Variants in TBC1D22A observed in about 807,000 individuals in gnomAD.
TBC1D22A encodes the protein TBC1 domain family member 22A.
A neutral mutation model predicts 60.2 loss-of-function variants in TBC1D22A; 38 were observed. That is an observed-to-expected ratio of 0.63 (90% CI 0.49 to 0.83). TBC1D22A has a LOEUF of 0.83. Ranked by LOEUF, TBC1D22A falls within the 40% of genes least tolerant of loss-of-function variation. TBC1D22A has a pLI of 0.00. For synonymous variants in TBC1D22A, 302 were observed against 281.7 expected (o/e 1.07, Z -0.72); for missense variants, 628 against 701.0 (o/e 0.90, Z 1.18).
intron 2 of TBC1D22A, chr22:46,792,863 T>C: frequency 7.0e-7 from 1 of 1,435,424 alleles, no homozygotes; most frequent in African/African-American, 1.4e-5. Context: ...GCAGCCTGGC[T>C]GCAGGCCATC....
At chr22:47,064,750 C>G (rs1418596781) in intron 11 of TBC1D22A, among the ~76,000 whole-genome samples, 2 of 152,164 alleles carry the variant, frequency 1.3e-5, no homozygotes, top group South Asian at 2.1e-4. Context: ...CTAAGTGTCT[C>G]CTGTCTACCA....
At position 46,959,839 on chromosome 22, in the gene TBC1D22A, A is replaced by G. The variant is rs530884300; in HGVS notation, c.1016-14451A>G. ...ACTCCACGTTTTCTAATGACCTGCCATCGGCATTTGCTTTTTTGACATTTA... is the reference window on the plus strand; with the variant it reads ...ACTCCACGTTTTCTAATGACCTGCCGTCGGCATTTGCTTTTTTGACATTTA... On this transcript the variant is annotated intron_variant, in intron 8 of 12. Coordinates refer to ENST00000337137, the MANE Select transcript of TBC1D22A (RefSeq NM_014346.5). 5.3e-5 allele frequency among the ~76,000 whole-genome samples: 8 copies of G among 152,312 alleles called. No homozygotes were observed. In the East Asian group the frequency reaches 1.5e-3, roughly 29 times the overall value.
At chr22:46,865,923 T>TG (rs2067031870) in intron 4 of TBC1D22A, among the ~76,000 whole-genome samples, 2 of 152,184 alleles carry the variant, frequency 1.3e-5, no homozygotes, top group South Asian at 4.1e-4. Context: ...TTGGAGAAAC[T>TG]GGACTGTGGT....
chr22:47,172,031 G>A (rs553896687), intron 12 of TBC1D22A, among the ~76,000 whole-genome samples: 1 of 87,278 alleles, frequency 1.1e-5, no homozygotes, highest in East Asian at 3.3e-4. Flanking sequence ...CACTCCCAGT[G>A]AGCCTACCCA....
chr22:46,916,511 C>T (rs1002585419), intron 8 of TBC1D22A, among the ~76,000 whole-genome samples: 1 of 152,224 alleles, frequency 6.6e-6, no homozygotes, highest in African/African-American at 2.4e-5. Flanking sequence ...CATGCTCTTG[C>T]ACACACACAT....
intron 12 of TBC1D22A, among the ~76,000 whole-genome samples, chr22:47,138,534 C>G (rs780647792): frequency 6.6e-6 from 1 of 152,208 alleles, no homozygotes; most frequent in African/African-American, 2.4e-5. Flanking sequence ...CCCTAGTGAA[C>G]CTTGCCTCTT....
intron 8 of TBC1D22A, among the ~76,000 whole-genome samples, chr22:46,916,987 A>C (rs1459527535): frequency 2.0e-5 from 3 of 152,176 alleles, no homozygotes; most frequent in South Asian, 2.1e-4. Context: ...ATAGTGATAC[A>C]TTTGCTGAAG....
At chr22:46,912,433 G>A (rs2070004696) in intron 8 of TBC1D22A, among the ~76,000 whole-genome samples, 1 of 152,164 alleles carries the variant, frequency 6.6e-6, no homozygotes, top group Admixed American at 6.5e-5. Context: ...AATATTTGAA[G>A]ATAGATAATA....
intron 1 of TBC1D22A, among the ~76,000 whole-genome samples, chr22:46,792,109 A>G (rs936878635): frequency 6.6e-6 from 1 of 152,234 alleles, no homozygotes; most frequent in African/African-American, 2.4e-5. Flanking sequence ...TTCTGCATTC[A>G]ATTTCAGACA....
chr22:47,041,535 A>T (rs8139696), intron 11 of TBC1D22A, among the ~76,000 whole-genome samples: 5 of 151,996 alleles, frequency 3.3e-5, no homozygotes, highest in African/African-American at 1.2e-4. Flanking sequence ...CTGGTCACCA[A>T]ACAGATCTGG....
chr22:47,138,125 G>A (rs1398098406), intron 12 of TBC1D22A, among the ~76,000 whole-genome samples: 6 of 152,218 alleles, frequency 3.9e-5, no homozygotes, highest in African/African-American at 1.4e-4. Context: ...GTGAGCCGCA[G>A]TCCTCGTGGG....
At chr22:47,133,429 G>A (rs1287513989) in intron 12 of TBC1D22A, among the ~76,000 whole-genome samples, 3 of 152,206 alleles carry the variant, frequency 2.0e-5, no homozygotes, top group African/African-American at 7.2e-5. Context: ...GTACCAGAGC[G>A]GGAGGCTGAT....
intron 4 of TBC1D22A, among the ~76,000 whole-genome samples, chr22:46,818,764 C>T (rs1278207668): frequency 6.6e-6 from 1 of 152,150 alleles, no homozygotes; most frequent in Non-Finnish European, 1.5e-5. Flanking sequence ...TTTTCTAATT[C>T]TGTGAAGAAT....
chr22:46,888,336 C>T (rs149467497), intron 5 of TBC1D22A, among the ~76,000 whole-genome samples: 69 of 152,308 alleles, frequency 4.5e-4, no homozygotes, highest in African/African-American at 1.6e-3. Flanking sequence ...GGGCTCTGTT[C>T]GAGCAAGGAT....
chr22:47,073,634 T>C (rs1392342269), intron 11 of TBC1D22A, among the ~76,000 whole-genome samples: 1 of 151,900 alleles, frequency 6.6e-6, no homozygotes, highest in African/African-American at 2.4e-5. Flanking sequence ...ACTCCGACAG[T>C]GATGGTAGCA....
intron 4 of TBC1D22A, among the ~76,000 whole-genome samples, chr22:46,848,555 C>G (rs1410450865): frequency 2.0e-5 from 3 of 152,200 alleles, no homozygotes; most frequent in African/African-American, 7.2e-5. Flanking sequence ...GTTTGCAGCC[C>G]CTCTGTCAGT....
chr22:46,776,396 TGTGTG>T (rs1366779938), intron 1 of TBC1D22A, among the ~76,000 whole-genome samples: 1 of 110,146 alleles, frequency 9.1e-6, no homozygotes, highest in Non-Finnish European at 2.1e-5. Context: ...TAGTTGTGGC[TGTGTG>T]GTGGGGTGGT....
intron 6 of TBC1D22A, among the ~76,000 whole-genome samples, chr22:46,893,296 T>A (rs1188484254): frequency 6.6e-6 from 1 of 152,166 alleles, no homozygotes; most frequent in Non-Finnish European, 1.5e-5. Context: ...CTCAGTCAGC[T>A]CTCTTGTGGC....
At chr22:46,918,887 G>A (rs1204678914) in intron 8 of TBC1D22A, among the ~76,000 whole-genome samples, 3 of 152,176 alleles carry the variant, frequency 2.0e-5, no homozygotes, top group African/African-American at 7.2e-5. Flanking sequence ...AAGAACCCGC[G>A]TGCCCGTCAT....
Sources: gnomAD v4.1 joint callset for allele counts (sites outside exome capture counted in the v4.1 genomes callset) on GRCh38, gnomAD v4.1.1 for gene constraint, MANE v1.5 for transcripts, NCBI Gene and HGNC (gene_info 2026-07-23, HGNC 2026-07-21) for gene names.